Variants in TOGARAM1 observed in about 807,000 individuals in gnomAD.
TOGARAM1 encodes TOG array regulator of axonemal microtubules 1.
Under a neutral mutation model 166.6 loss-of-function variants are expected in TOGARAM1, and 100 were observed. The observed-to-expected ratio is 0.60, with a 90% confidence interval of 0.51 to 0.71. The LOEUF (loss-of-function observed/expected upper bound fraction) is 0.71. Among genes scored for constraint, TOGARAM1 ranks in the 30% least tolerant of loss-of-function variants. The pLI, the probability that TOGARAM1 is intolerant of heterozygous loss-of-function variation, is 0.00. For synonymous variants in TOGARAM1, 758 were observed against 763.8 expected, an observed-to-expected ratio of 0.99 and a Z score of 0.13; for missense variants, 2,029 against 2,102.7, an observed-to-expected ratio of 0.96 and a Z score of 0.69.
At chr14:45,036,741 A>G (rs954504231) in intron 11 of TOGARAM1, among the ~76,000 whole-genome samples, 4 of 152,058 alleles carry the variant, frequency 2.6e-5, no homozygotes, top group Admixed American at 6.6e-5. Context: ...TCTTCTTTCA[A>G]TTTTCTTAGA....
Position 45,073,410 on chromosome 14 carries a change from GAGGAAATATACGAAC to G in TOGARAM1, c.5174_5188del (p.Gly1725_Thr1729del). Reference sequence around the variant, plus strand: ...AATAGTGGCTCTCTGCCTGGAGCTGGAGGAAATATACGAACAGCCACAGCTAAATTATCAAAAGCA... The same window carrying G: ...AATAGTGGCTCTCTGCCTGGAGCTGGAGCCACAGCTAAATTATCAAAAGCA... On this transcript the variant is annotated inframe_deletion, in exon 20 of 20. Coordinates refer to ENST00000361462, the MANE Select transcript of TOGARAM1 (RefSeq NM_001308120.2). 1 of 1,614,156 alleles carries G rather than the reference GAGGAAATATACGAAC, an allele frequency of 6.2e-7. No homozygotes were observed. The highest frequency in any genetic ancestry group is 8.5e-7 in the Non-Finnish European group (1 of 1,180,018).
At chr14:45,052,644 T>A in intron 15 of TOGARAM1, 82 bp downstream of exon 15, 1 of 1,250,718 alleles carries the variant, frequency 8.0e-7, no homozygotes, top group Non-Finnish European at 1.1e-6. Flanking sequence ...GGAATAATTA[T>A]TTATTTGATT....
chr14:45,052,688 T>C, intron 15 of TOGARAM1, 126 bp downstream of exon 15: 1 of 800,848 alleles, frequency 1.2e-6, no homozygotes, highest in Non-Finnish European at 1.9e-6. Flanking sequence ...TATTGGACTA[T>C]ATCTGCAATA....
At chr14:45,053,911 G>A (rs1379160036) in intron 15 of TOGARAM1, among the ~76,000 whole-genome samples, 1 of 151,844 alleles carries the variant, frequency 6.6e-6, no homozygotes, top group Non-Finnish European at 1.5e-5. Flanking sequence ...ACAGAGTCAT[G>A]CTCTGTCGCT....
At chr14:45,039,172 A>G (rs985590493) in intron 11 of TOGARAM1, among the ~76,000 whole-genome samples, 2 of 151,872 alleles carry the variant, frequency 1.3e-5, no homozygotes, top group Non-Finnish European at 2.9e-5. Flanking sequence ...TGATGAGTGT[A>G]CAGCTCTCAG....
At position 44,963,344 on chromosome 14, in the gene TOGARAM1, A is replaced by C; in HGVS notation, c.923A>C (p.Asn308Thr). 1 of 1,614,134 alleles carries C rather than the reference A, an allele frequency of 6.2e-7. No individual in the cohort carries two copies. The highest frequency in any genetic ancestry group is 8.5e-7 in the Non-Finnish European group (1 of 1,180,012). The change falls in exon 1 of 20, where the codon AAT becomes ACT. Residue 308 changes from asparagine to threonine, a missense_variant. This residue lies in a region of TOGARAM1 where 1,453 missense variants were observed against 1,432.2 expected (regional missense o/e 1.01). Transcript: ENST00000361462. ...RLPSALRRHY[N>T]RRLESQFGSQ... is the part of the protein sequence containing the mutation. ...CCCTCTGCCCTGAGGAGACACTACAATCGCCGCCTGGAGTCCCAGTTTGGA... is the reference window on the plus strand; with the variant it reads ...CCCTCTGCCCTGAGGAGACACTACACTCGCCGCCTGGAGTCCCAGTTTGGA...
rs1566673056 is a variant in TOGARAM1 at position 45,061,729 on chromosome 14, T to C, written c.4560-4849T>C. Among the ~76,000 whole-genome samples, 3 of 152,242 alleles carry C rather than the reference T, an allele frequency of 2.0e-5. No individual in the cohort carries two copies. The East Asian group carries it at 5.8e-4, about 29-fold the overall frequency. On this transcript the variant is annotated intron_variant, in intron 16 of 19. Coordinates refer to ENST00000361462, the MANE Select transcript of TOGARAM1 (RefSeq NM_001308120.2). ...GATTAGCCCCACTTGGTGATGATGA[T>C]GTGTGATATTTTTAATATATTACTG...
chr14:45,060,645 A>G (rs1001418488), intron 16 of TOGARAM1, among the ~76,000 whole-genome samples: 2 of 152,224 alleles, frequency 1.3e-5, no homozygotes, highest in African/African-American at 4.8e-5. Flanking sequence ...TTTGGAACCC[A>G]TTAAAAAATG....
rs72672911 is a variant in TOGARAM1, at chr14:45,025,650, C to A, written c.3239-133C>A. On this transcript the variant is annotated intron_variant, in intron 7 of 19. Transcript: ENST00000361462. ...CAAACATTTATAATGACTTAATGAA[C>A]GTGTGAATAAATTGTAAATTCTTTG... The A allele has an allele frequency of 2.9e-4, 159 of 550,742 alleles. 1 individual carries two copies. The highest frequency in any genetic ancestry group is 4.6e-4 in the Non-Finnish European group (145 of 312,534). 34.1% of individuals were successfully genotyped at this position (550,742 alleles called of 1,614,324 possible). A position where few individuals can be genotyped will look rare whatever the true frequency, so the allele number is the denominator to read the frequency against.
intron 16 of TOGARAM1, among the ~76,000 whole-genome samples, chr14:45,059,955 C>T (rs1289295712): frequency 6.6e-6 from 1 of 150,632 alleles, no homozygotes; most frequent in East Asian, 2.0e-4. Flanking sequence ...CTCTGTCGCC[C>T]AGGCTGGAGT....
chr14:45,045,684 CATATATACACATATATATGTGTAT>C lies in TOGARAM1; in HGVS notation c.4154+832_4155-820del, dbSNP rs1307154122. On this transcript the variant is annotated intron_variant, in intron 13 of 19. Coordinates refer to ENST00000361462, the MANE Select transcript of TOGARAM1 (RefSeq NM_001308120.2). ...ACATATATATGTGTATATATATACA[CATATATACACATATATATGTGTAT>C]ATATATACACATATATACACATATA... Among the ~76,000 whole-genome samples, 539 of 87,380 alleles carry C rather than the reference CATATATACACATATATATGTGTAT, an allele frequency of 6.2e-3. 4 individuals are homozygous for C. The highest frequency in any genetic ancestry group is 7.5e-3 in the Non-Finnish European group (379 of 50,292). The allele number at this position is 87,380 out of a possible 152,430, so 57.3% of individuals were successfully genotyped here.
intron 16 of TOGARAM1, among the ~76,000 whole-genome samples, chr14:45,065,547 T>C (rs573599197): frequency 3.9e-5 from 6 of 152,354 alleles, no homozygotes; most frequent in Non-Finnish European, 8.8e-5. Context: ...ATCTACCACA[T>C]TGAGTTACCC....
chr14:45,005,989 A>G lies in TOGARAM1; in HGVS notation c.2645-19A>G, dbSNP rs752060718. 2.6e-6 allele frequency: 4 copies of G among 1,526,508 alleles called. No individual in the cohort carries two copies. The highest frequency in any genetic ancestry group is 4.4e-5 in the Admixed American group (2 of 45,750). The allele number at this position is 1,526,508 out of a possible 1,614,324, so 94.6% of individuals were successfully genotyped here. ...TAAAATTAGAAAAAGAAAAAGTAAA[A>G]TATCTATTTTTCATGCAGGAGAAAA... On this transcript the variant is annotated intron_variant, in intron 4 of 19. Transcript: ENST00000361462.
intron 7 of TOGARAM1, among the ~76,000 whole-genome samples, chr14:45,021,495 G>A (rs955549857): frequency 1.3e-5 from 2 of 152,168 alleles, no homozygotes; most frequent in Non-Finnish European, 2.9e-5. Context: ...ATAAGGGAGG[G>A]CCATGGGGAT....
Position 44,962,306 on chromosome 14 carries a change from G to C in TOGARAM1, c.-116G>C, listed in dbSNP as rs992666288. 19 of 1,329,426 alleles carry C rather than the reference G, an allele frequency of 1.4e-5. No individual in the cohort carries two copies. The East Asian group carries it at 3.3e-4, about 23-fold the overall frequency. The allele number at this position is 1,329,426 out of a possible 1,614,324, so 82.4% of individuals were successfully genotyped here. On this transcript the variant is annotated 5_prime_UTR_variant, in exon 1 of 20. Coordinates refer to ENST00000361462, the MANE Select transcript of TOGARAM1 (RefSeq NM_001308120.2). ...GGCGGCCTGGCGGCAGGCTGAAGCT[G>C]TTCTTTTGCCTCTTCTGCAGCTTGG...
rs530818170 is a variant in TOGARAM1, at chr14:44,962,564, A to G, written c.143A>G (p.Tyr48Cys). 6.2e-7 allele frequency: 1 copy of G among 1,613,996 alleles called. No individual in the cohort carries two copies. The stretch of plus-strand genomic sequence containing the variant: ...GGCATTATGAGAGGAGAGAAAAACT[A>G]CTACTTCCGTGGAGCTGCGGGGGAC... ...VGGIMRGEKN[Y>C]YFRGAAGDHG... The change falls in exon 1 of 20, where the codon TAC (tyrosine) becomes TGC (cysteine). Residue 48 changes from tyrosine to cysteine, a missense_variant. Tyr to Cys is a radical substitution (Grantham distance 194, BLOSUM62 -2). Around this residue, in one of 2 missense-constraint regions of TOGARAM1, gnomAD observed 1,453 missense variants for 1,432.2 expected, o/e 1.01. Transcript: ENST00000361462.
chr14:44,986,266 A>G (rs998386489), intron 1 of TOGARAM1, among the ~76,000 whole-genome samples: 1 of 152,206 alleles, frequency 6.6e-6, no homozygotes, highest in African/African-American at 2.4e-5. Context: ...CCAAAGAGTT[A>G]TCTTAATTAG....
chr14:45,050,686 T>C (rs1439514207), intron 14 of TOGARAM1, among the ~76,000 whole-genome samples: 3 of 150,640 alleles, frequency 2.0e-5, no homozygotes, highest in African/African-American at 7.3e-5. Flanking sequence ...GCAATCTCAG[T>C]TCACTGCAAC....
chr14:45,048,767 A>T (rs1011237275), intron 14 of TOGARAM1, among the ~76,000 whole-genome samples: 1 of 152,104 alleles, frequency 6.6e-6, no homozygotes, highest in African/African-American at 2.4e-5. Flanking sequence ...ACCTGAGGTC[A>T]GGAGTTCAAG....
Sources: allele counts gnomAD v4.1 joint callset (sites outside exome capture counted in the v4.1 genomes callset), GRCh38; gene constraint gnomAD v4.1.1; regional missense constraint gnomAD v4.1.1; transcripts MANE v1.5; gene names NCBI Gene and HGNC (gene_info 2026-07-23, HGNC 2026-07-21).